The following ADNP variants were observed in gnomAD, a reference collection of about 807,000 sequenced individuals.
ADNP encodes activity dependent neuroprotector homeobox.
ADNP carries 4 observed loss-of-function variants against 84.9 expected under a neutral mutation model. That is an observed-to-expected ratio of 0.05 (90% CI 0.02 to 0.11). The LOEUF is 0.11. Ranked by LOEUF, ADNP falls within the 10% of genes least tolerant of loss-of-function variation. The pLI is 1.00. For synonymous variants in ADNP, 554 were observed against 468.1 expected (o/e 1.18, Z -2.37); for missense variants, 1,132 against 1,326.0 (o/e 0.85, Z 2.27).
chr20:50,923,134 G>A (rs1420439874), intron 2 of ADNP, among the ~76,000 whole-genome samples: 1 of 152,170 alleles, frequency 6.6e-6, no homozygotes, highest in East Asian at 1.9e-4. Context: ...AGGAACCGTG[G>A]TGGATGAAAA....
Position 50,891,350 on chromosome 20 carries a change from C to T in ADNP, c.*55G>A. ...GTGAGAAGACAGCTTTGCAGTCACA[C>T]TGGATATCAGAGTTCCAGGCTGCAG... On this transcript the variant is annotated 3_prime_UTR_variant, in exon 6 of 6. Coordinates refer to ENST00000621696, the MANE Select transcript of ADNP (RefSeq NM_001282531.3). 1 of 1,512,182 alleles carries T rather than the reference C, an allele frequency of 6.6e-7. No individual in the cohort carries two copies. The highest frequency in any genetic ancestry group is 8.8e-7 in the Non-Finnish European group (1 of 1,136,940). 93.7% of individuals were successfully genotyped at this position (1,512,182 alleles called of 1,614,324 possible).
Position 50,890,824 on chromosome 20 carries a change from T to TG in ADNP, c.*580dup. 1 of 786,076 alleles carries TG rather than the reference T, an allele frequency of 1.3e-6. No homozygotes were observed. The highest frequency in any genetic ancestry group is 1.9e-5 in the African/African-American group (1 of 53,100). 48.7% of individuals were successfully genotyped at this position (786,076 alleles called of 1,614,324 possible). On this transcript the variant is annotated 3_prime_UTR_variant, in exon 6 of 6. Transcript: ENST00000621696. ...CCATACTAGCGCAGTTTTGAGCTTT[T>TG]GCTAGGTAAACTAGATAGAGCGTTT...
rs768359120 is a variant in ADNP, at chr20:50,893,247, G to A, written c.1467C>T (p.Ser489=). The A allele has an allele frequency of 2.5e-6, 4 of 1,614,122 alleles. No individual in the cohort carries two copies. Among genetic ancestry groups the A allele is most frequent in the Non-Finnish European group, 3.4e-6 (4 of 1,180,048 alleles). The change falls in exon 6 of 6, where the codon AGC becomes AGT. Residue 489 remains serine, a synonymous_variant. Coordinates refer to ENST00000621696, the MANE Select transcript of ADNP (RefSeq NM_001282531.3). The surrounding 1 kb of genome is among the most constrained non-coding windows in gnomAD (Gnocchi z 4.4). ...NYIMKIHNFT[S]KCLYCNRYLP... ...AATAGCGATTACAGTAGAGGCATTT[G>A]CTAGTAAAATTGTGTATTTTCATAA...
At chr20:50,902,256 C>T in intron 4 of ADNP, 147 bp from the exon 5 acceptor site, 1 of 589,242 alleles carries the variant, frequency 1.7e-6, no homozygotes, top group Non-Finnish European at 3.0e-6. Flanking sequence ...TGATAAGGCT[C>T]TTAAATATAA....
chr20:50,899,382 C>T (rs1366684777), intron 5 of ADNP, among the ~76,000 whole-genome samples: 1 of 151,822 alleles, frequency 6.6e-6, no homozygotes, highest in Admixed American at 6.6e-5. Flanking sequence ...GGCGAATTTT[C>T]GTATTTTTAG....
At position 50,889,157 on chromosome 20, in the gene ADNP, A is replaced by G. The variant is rs1188255532; in HGVS notation, c.*2248T>C. The G allele has an allele frequency of 2.0e-5, 3 of 152,326 alleles. No individual in the cohort carries two copies. The East Asian group carries it at 5.8e-4, about 29-fold the overall frequency. The allele number at this position is 152,326 out of a possible 1,614,324, so 9.4% of individuals were successfully genotyped here. On this transcript the variant is annotated 3_prime_UTR_variant, in exon 6 of 6. Transcript: ENST00000621696. ...TGGCTAAACCCTTTTCTGAATGCCA[A>G]AAGGCACACTCTCACCACCTTAATG... is the stretch of plus-strand genomic sequence containing the variant.
At position 50,889,948 on chromosome 20, in the gene ADNP, T is replaced by TTAAC. The variant is rs1980484052; in HGVS notation, c.*1453_*1456dup. 2.6e-6 allele frequency: 1 copy of TTAAC among 382,194 alleles called. No homozygotes were observed. Among genetic ancestry groups the TTAAC allele is most frequent in the Admixed American group, 4.7e-5 (1 of 21,416 alleles). The allele number at this position is 382,194 out of a possible 1,614,324, so 23.7% of individuals were successfully genotyped here. On this transcript the variant is annotated 3_prime_UTR_variant, in exon 6 of 6. Coordinates refer to ENST00000621696, the MANE Select transcript of ADNP (RefSeq NM_001282531.3). The stretch of plus-strand genomic sequence containing the variant: ...CCCATCGTAAGGTGAAAACGAACGT[T>TTAAC]TAACTTCATCTAGAAGAAAAAACAA...
chr20:50,901,767 C>T lies in ADNP; in HGVS notation c.201+250G>A, dbSNP rs543241417. Among the ~76,000 whole-genome samples, 32 of 152,326 alleles carry T rather than the reference C, an allele frequency of 2.1e-4. 1 individual carries two copies. In the South Asian group the frequency reaches 5.2e-3, roughly 25 times the overall value. On this transcript the variant is annotated intron_variant, in intron 5 of 5. Transcript: ENST00000621696. ...CACTTTTAGGGGAAATGGTGGGATA[C>T]AGCAGGCTTCGTAACTTTTAAGTAA...
intron 2 of ADNP, among the ~76,000 whole-genome samples, chr20:50,911,763 A>G (rs1052542299): frequency 2.6e-5 from 4 of 152,194 alleles, no homozygotes; most frequent in African/African-American, 9.6e-5. Context: ...AAAGAAAGAC[A>G]AAACAAACAA....
chr20:50,928,921 G>GT (rs1276310233), intron 1 of ADNP, 96 bp from the exon 2 acceptor site: 2 of 152,232 alleles, frequency 1.3e-5, no homozygotes, highest in African/African-American at 4.8e-5. Context: ...TTTTGTAAAG[G>GT]TGGTTGGCTG....
At chr20:50,918,176 A>T (rs1001544475) in intron 2 of ADNP, among the ~76,000 whole-genome samples, 2 of 151,414 alleles carry the variant, frequency 1.3e-5, no homozygotes, top group African/African-American at 2.4e-5. Flanking sequence ...CTTTTTTTTT[A>T]AAGTGGCTAC....
chr20:50,929,997 A>C (rs544197084), intron 1 of ADNP, among the ~76,000 whole-genome samples: 4 of 152,032 alleles, frequency 2.6e-5, no homozygotes, highest in African/African-American at 9.7e-5. Flanking sequence ...GCAGAAGAGG[A>C]AGAGAAGCAA....
intron 2 of ADNP, among the ~76,000 whole-genome samples, chr20:50,910,749 G>A (rs1434489994): frequency 6.6e-6 from 1 of 152,134 alleles, no homozygotes; most frequent in East Asian, 1.9e-4. Flanking sequence ...CAATTCTCCA[G>A]GCTCAAGCAA....
Position 50,894,246 on chromosome 20 carries a change from C to T in ADNP, c.468G>A (p.Gln156=), listed in dbSNP as rs368898158. 6.2e-7 allele frequency: 1 copy of T among 1,614,006 alleles called. No individual in the cohort carries two copies. The highest frequency in any genetic ancestry group is 1.3e-5 in the African/African-American group (1 of 74,912). The change falls in exon 6 of 6, where the codon CAG becomes CAA. Residue 156 remains glutamine, a synonymous_variant. Transcript: ENST00000621696. ...AAACAGCTTGCTCTACACTGTCAGC[C>T]TGCTTAGGTTTAAGGCCATCATTTT... ...KNKNDGLKPK[Q]ADSVEQAVYY... is the part of the protein sequence containing the mutation.
At position 50,893,690 on chromosome 20, in the gene ADNP, T is replaced by C. The variant is rs764747481; in HGVS notation, c.1024A>G (p.Ser342Gly). 5 of 1,614,006 alleles carry C rather than the reference T, an allele frequency of 3.1e-6. No individual in the cohort carries two copies. In the East Asian group the frequency reaches 6.7e-5, roughly 22 times the overall value. The change falls in exon 6 of 6, where the codon AGT (serine) becomes GGT (glycine). Residue 342 changes from serine (S) to glycine (G), a missense_variant. Physicochemically the swap from Ser to Gly is moderately conservative, Grantham distance 56. Coordinates refer to ENST00000621696, the MANE Select transcript of ADNP (RefSeq NM_001282531.3). The surrounding 1 kb of genome is among the most constrained non-coding windows in gnomAD (Gnocchi z 4.4). ...YGVKSVGQGY[S>G]VGQSMRLGLG... is the part of the protein sequence containing the mutation. ...CCCAGTCTCATTGACTGACCAACAC[T>C]GTAACCCTGGCCTACAGATTTGACT... is the stretch of plus-strand genomic sequence containing the variant.
At position 50,893,013 on chromosome 20, in the gene ADNP, A is replaced by C; in HGVS notation, c.1701T>G (p.Thr567=). 6.2e-7 allele frequency: 1 copy of C among 1,614,222 alleles called. No individual in the cohort carries two copies. The highest frequency in any genetic ancestry group is 2.2e-5 in the East Asian group (1 of 44,884). ...GSHTNIHLLV[T]TYNLRDAPAE... is the part of the protein sequence containing the mutation. ...CTGGGGCATCCCTCAGATTGTATGT[A>C]GTTACCAGGAGATGGATGTTAGTGT... Residue 567 remains threonine, a synonymous_variant, in exon 6 of 6, where the codon ACT becomes ACG. Transcript: ENST00000621696. This position sits in a 1 kb window ranked among gnomAD's most constrained non-coding sequence, Gnocchi z 4.4.
intron 2 of ADNP, among the ~76,000 whole-genome samples, chr20:50,923,875 C>A (rs1216130797): frequency 6.6e-6 from 1 of 152,196 alleles, no homozygotes; most frequent in African/African-American, 2.4e-5. Context: ...GCACTTCTTG[C>A]ATTTGGATAC....
chr20:50,894,273 G>C lies in ADNP; in HGVS notation c.441C>G (p.Asn147Lys). 6.2e-7 allele frequency: 1 copy of C among 1,613,540 alleles called. No individual in the cohort carries two copies. The highest frequency in any genetic ancestry group is 2.2e-5 in the East Asian group (1 of 44,882). Residue 147 changes from asparagine to lysine, a missense_variant, in exon 6 of 6, where the codon AAC (asparagine) becomes AAG (lysine). Physicochemically the swap from Asn to Lys is moderately conservative, Grantham distance 94. Coordinates refer to ENST00000621696, the MANE Select transcript of ADNP (RefSeq NM_001282531.3). ...GCTTAGGTTTAAGGCCATCATTTTT[G>C]TTTTTATCTTTGAAAGTGCTGAGGC... ...SSSLSTFKDKNKNDGLKPKQA... is the reference protein window; with the variant it reads ...SSSLSTFKDKKKNDGLKPKQA...
intron 1 of ADNP, among the ~76,000 whole-genome samples, chr20:50,929,981 TCTTGGG>T (rs1568751138): frequency 6.6e-6 from 1 of 151,666 alleles, no homozygotes; most frequent in African/African-American, 2.4e-5. Flanking sequence ...AGAGTCTTGG[TCTTGGG>T]CAGAAGAGGA....
Sources: allele counts gnomAD v4.1 joint callset (sites outside exome capture counted in the v4.1 genomes callset), GRCh38; gene constraint gnomAD v4.1.1; non-coding constraint Gnocchi (gnomAD v3.1); transcripts MANE v1.5; gene names NCBI Gene and HGNC (gene_info 2026-07-23, HGNC 2026-07-21).